GSDME: variants seen among roughly 807,000 people sequenced by gnomAD.
The protein encoded by GSDME is gasdermin E, also known as gasdermin-E.
Under a neutral mutation model 47.5 loss-of-function variants are expected in GSDME, and 44 were observed. That is an observed-to-expected ratio of 0.93 (90% CI 0.73 to 1.19). The LOEUF (loss-of-function observed/expected upper bound fraction) is 1.19. Among genes scored for constraint, GSDME ranks in the 50% most tolerant of loss-of-function variants. The probability of loss-of-function intolerance (pLI) is 0.00; values close to 1 mark genes in which losing one functional copy is unlikely to be tolerated. For synonymous variants in GSDME, 258 were observed against 252.8 expected (o/e 1.02, Z -0.20); for missense variants, 663 against 604.2 (o/e 1.10, Z -1.02).
upstream of GSDME, among the ~76,000 whole-genome samples, chr7:24,762,927 T>G (rs1281564353): frequency 6.6e-6 from 1 of 152,126 alleles, no homozygotes; most frequent in Non-Finnish European, 1.5e-5. Flanking sequence ...GTTGTTGAGG[T>G]TGCCCTGAGC....
chr7:24,750,768 G>A (rs1049343687), intron 1 of GSDME, among the ~76,000 whole-genome samples: 7 of 152,150 alleles, frequency 4.6e-5, no homozygotes, highest in Admixed American at 3.3e-4. Flanking sequence ...AAGTAGCTAT[G>A]GCTTTTTAAC....
chr7:24,702,475 T>C (rs779275625), intron 9 of GSDME: 1 of 375,536 alleles, frequency 2.7e-6, no homozygotes. Flanking sequence ...TTGGCCAAAA[T>C]TCTCTCCAAA....
intron 5 of GSDME, among the ~76,000 whole-genome samples, chr7:24,711,511 G>A (rs760109886): frequency 7.9e-5 from 12 of 151,950 alleles, no homozygotes; most frequent in African/African-American, 2.4e-4. Flanking sequence ...TGCTCCAGGC[G>A]ATAAAAAGTT....
At position 24,714,369 on chromosome 7, in the gene GSDME, G is replaced by A. The variant is rs188968625; in HGVS notation, c.697+2885C>T. Reference sequence around the variant, plus strand: ...TCAAGGGCCCTTCCAACCACTGCAGGTTTATGTCTATGAAGCTATACCAGA... The same window carrying A: ...TCAAGGGCCCTTCCAACCACTGCAGATTTATGTCTATGAAGCTATACCAGA... On this transcript the variant is annotated intron_variant, in intron 5 of 9. Transcript: ENST00000645220. This position sits in a 1 kb window ranked among gnomAD's most constrained non-coding sequence, Gnocchi z 5.0. Among the ~76,000 whole-genome samples, 43 of 152,214 alleles carry A rather than the reference G, an allele frequency of 2.8e-4. No individual in the cohort carries two copies. The East Asian group carries it at 7.7e-3, about 27-fold the overall frequency.
chr7:24,702,705 CTCA>C, intron 9 of GSDME, 52 bp downstream of exon 9: 1 of 1,469,794 alleles, frequency 6.8e-7, no homozygotes, highest in Non-Finnish European at 9.5e-7. Context: ...TGTCTACCCC[CTCA>C]TCATTTCCCC....
At position 24,702,808 on chromosome 7, in the gene GSDME, C is replaced by T; in HGVS notation, c.1209G>A (p.Leu403=). ...LAEMPDSAAA[L]LGTCCKLQII... ...TCTGGAGTTTGCAGCAAGTGCCCAG[C>T]AGAGCTGCTGCGCTATCTGGCATTT... Residue 403 remains leucine, a synonymous_variant, in exon 9 of 10, where the codon CTG becomes CTA. Coordinates refer to ENST00000645220, the MANE Select transcript of GSDME (RefSeq NM_001127453.2). 6.2e-7 allele frequency: 1 copy of T among 1,613,520 alleles called. No individual in the cohort carries two copies. Among genetic ancestry groups the T allele is most frequent in the Non-Finnish European group, 8.5e-7 (1 of 1,179,648 alleles).
chr7:24,787,699 GTTTA>G, the GSDME span, among the ~76,000 whole-genome samples: 83 of 151,998 alleles, frequency 5.5e-4, no homozygotes, highest in African/African-American at 1.9e-3. The surrounding 1 kb of genome is among the most constrained non-coding windows in gnomAD (Gnocchi z 5.0). Context: ...TTTTTTGTGG[GTTTA>G]TTTTTATTTA....
At chr7:24,718,350 C>T (rs1442559308) in intron 4 of GSDME, among the ~76,000 whole-genome samples, 3 of 152,230 alleles carry the variant, frequency 2.0e-5, no homozygotes. Flanking sequence ...GGGCTGATGG[C>T]CACCTAGTCC....
Position 24,756,941 on chromosome 7 carries a change from C to T in GSDME, c.-20+455G>A, listed in dbSNP as rs1172691859. 6.6e-6 allele frequency among the ~76,000 whole-genome samples: 1 copy of T among 152,070 alleles called. No homozygotes were observed. Among genetic ancestry groups the T allele is most frequent in the African/African-American group, 2.4e-5 (1 of 41,406 alleles). On this transcript the variant is annotated intron_variant, in intron 1 of 9. Coordinates refer to ENST00000645220, the MANE Select transcript of GSDME (RefSeq NM_001127453.2). The surrounding 1 kb of genome is among the most constrained non-coding windows in gnomAD (Gnocchi z 4.2). Reference sequence around the variant, plus strand: ...TGAACTCCGTATCTGTTCCGCGGTCCGCCTCCCTGCACACACGCCCCCGAG... The same window carrying T: ...TGAACTCCGTATCTGTTCCGCGGTCTGCCTCCCTGCACACACGCCCCCGAG...
At position 24,757,033 on chromosome 7, in the gene GSDME, G is replaced by T. The variant is rs1198929965; in HGVS notation, c.-20+363C>A. 6.6e-6 allele frequency among the ~76,000 whole-genome samples: 1 copy of T among 152,182 alleles called. No homozygotes were observed. The highest frequency in any genetic ancestry group is 1.5e-5 in the Non-Finnish European group (1 of 68,032). ...CAAAGGATGAACGAATGGGGAGGGG[G>T]GGTTTGGGGGGTTGGGAGAACGAAA... On this transcript the variant is annotated intron_variant, in intron 1 of 9. Coordinates refer to ENST00000645220, the MANE Select transcript of GSDME (RefSeq NM_001127453.2). This position sits in a 1 kb window ranked among gnomAD's most constrained non-coding sequence, Gnocchi z 5.9.
chr7:24,724,148 A>G lies in GSDME; in HGVS notation c.405-4930T>C, dbSNP rs1361148960. ...TTCTCTTTTGACCTTTTGACATTTAAACCATGTGAATAGATTGCCCAGTTC... is the reference window on the plus strand; with the variant it reads ...TTCTCTTTTGACCTTTTGACATTTAGACCATGTGAATAGATTGCCCAGTTC... On this transcript the variant is annotated intron_variant, in intron 3 of 9. Transcript: ENST00000645220. This position sits in a 1 kb window ranked among gnomAD's most constrained non-coding sequence, Gnocchi z 4.8. 6.6e-6 allele frequency among the ~76,000 whole-genome samples: 1 copy of G among 151,364 alleles called. No homozygotes were observed. The highest frequency in any genetic ancestry group is 1.5e-5 in the Non-Finnish European group (1 of 67,944).
the GSDME span, among the ~76,000 whole-genome samples, chr7:24,782,120 GGTTT>G: frequency 6.6e-6 from 1 of 151,834 alleles, no homozygotes. Context: ...ATAATGTGCA[GGTTT>G]GTTACATATG....
At position 24,726,199 on chromosome 7, in the gene GSDME, C is replaced by CCATTTT. The variant is rs1176404201; in HGVS notation, c.405-6987_405-6982dup. On this transcript the variant is annotated intron_variant, in intron 3 of 9. Transcript: ENST00000645220. This position sits in a 1 kb window ranked among gnomAD's most constrained non-coding sequence, Gnocchi z 5.6. ...CTCTCCCAGCCTGAAGCTTTAATTT[C>CCATTTT]CATTTTCTCTGCTTCTAAGACTTTC... 6.6e-6 allele frequency among the ~76,000 whole-genome samples: 1 copy of CCATTTT among 152,190 alleles called. No individual in the cohort carries two copies. Among genetic ancestry groups the CCATTTT allele is most frequent in the Admixed American group, 6.5e-5 (1 of 15,282 alleles).
chr7:24,698,628 C>T lies in GSDME; in HGVS notation c.*398G>A. On this transcript the variant is annotated 3_prime_UTR_variant, in exon 10 of 10. Transcript: ENST00000645220. ...TAGCCTCTTGTGTGCAGAGAAATTG[C>T]CTTCCCACAGCATTCACAATGTAAA... 3.4e-6 allele frequency: 1 copy of T among 290,270 alleles called. No homozygotes were observed. The highest frequency in any genetic ancestry group is 3.7e-5 in the South Asian group (1 of 27,038). The allele number at this position is 290,270 out of a possible 1,614,324, so 18.0% of individuals were successfully genotyped here.
intron 2 of GSDME, among the ~76,000 whole-genome samples, chr7:24,747,670 A>T (rs188863169): frequency 4.7e-4 from 70 of 150,430 alleles, no homozygotes; most frequent in African/African-American, 1.6e-3. Flanking sequence ...CTTATTAATC[A>T]TTTTTTTTTT....
chr7:24,710,518 T>C, intron 5 of GSDME, 130 bp from the exon 6 acceptor site: 1 of 854,500 alleles, frequency 1.2e-6, no homozygotes, highest in Admixed American at 2.0e-5. Context: ...GACCCATCCA[T>C]CTTCCCCATA....
upstream of GSDME, among the ~76,000 whole-genome samples, chr7:24,762,898 G>A (rs552536925): frequency 6.6e-6 from 1 of 152,318 alleles, no homozygotes; most frequent in South Asian, 2.1e-4. Context: ...GAATCAGGCT[G>A]GGGGAGGCTC....
At chr7:24,751,658 G>A (rs1790863884) in intron 1 of GSDME, among the ~76,000 whole-genome samples, 1 of 152,196 alleles carries the variant, frequency 6.6e-6, no homozygotes, top group Non-Finnish European at 1.5e-5. Flanking sequence ...GAACTGCAAA[G>A]CAGCATGACT....
intron 2 of GSDME, among the ~76,000 whole-genome samples, chr7:24,748,564 T>C (rs1340185657): frequency 6.6e-6 from 1 of 152,206 alleles, no homozygotes; most frequent in Non-Finnish European, 1.5e-5. Flanking sequence ...TTTTTTATTT[T>C]TAAATTTTCT....
Sources: allele counts gnomAD v4.1 joint callset (sites outside exome capture counted in the v4.1 genomes callset), GRCh38; gene constraint gnomAD v4.1.1; non-coding constraint Gnocchi (gnomAD v3.1); transcripts MANE v1.5; gene names NCBI Gene and HGNC (gene_info 2026-07-23, HGNC 2026-07-21).